Variants in TEKT4 observed in about 807,000 individuals in gnomAD.
The protein encoded by TEKT4 is tektin 4, also known as tektin-4.
A neutral mutation model predicts 46.0 loss-of-function variants in TEKT4; 46 were observed. That is an observed-to-expected ratio of 1.00 (90% CI 0.79 to 1.28). The LOEUF (loss-of-function observed/expected upper bound fraction) is 1.28, where lower values mean the gene tolerates loss of function less well. Ranked by LOEUF, TEKT4 falls within the 50% of genes most tolerant of loss-of-function variation. The pLI is 0.00. For synonymous variants in TEKT4, 325 were observed against 265.8 expected, an observed-to-expected ratio of 1.22 and a Z score of -2.17; for missense variants, 790 against 622.9, an observed-to-expected ratio of 1.27 and a Z score of -2.85.
At chr2:94,874,391 C>A (rs1680728986) in intron 3 of TEKT4, among the ~76,000 whole-genome samples, 1 of 152,066 alleles carries the variant, frequency 6.6e-6, no homozygotes, top group South Asian at 2.1e-4. Context: ...GGGAGCCTGA[C>A]CACCGCCCAC....
intron 5 of TEKT4, 82 bp from the exon 6 acceptor site, chr2:94,876,471 G>A: frequency 8.1e-7 from 1 of 1,235,022 alleles, no homozygotes; most frequent in African/African-American, 1.5e-5. Context: ...GCTCCCATTG[G>A]GAGTTTTGGG....
intron 2 of TEKT4, 136 bp from the exon 3 acceptor site, chr2:94,873,829 G>A (rs1573184346): frequency 3.8e-6 from 5 of 1,321,766 alleles, no homozygotes; most frequent in Non-Finnish European, 1.0e-6. Context: ...TCACTGCTGA[G>A]CACGAGGGCT....
Position 94,871,748 on chromosome 2 carries a change from G to A in TEKT4, c.169G>A (p.Ala57Thr), listed in dbSNP as rs200502666. 74 of 1,612,514 alleles carry A rather than the reference G, an allele frequency of 4.6e-5. No homozygotes were observed. The highest frequency in any genetic ancestry group is 1.0e-4 in the Admixed American group (6 of 60,008). The part of the protein sequence containing the change: ...NCYARYHQAF[A>T]DRDQSERQRH... ...CTATGCTCGCTACCACCAGGCCTTCGCCGACCGCGACCAGTCGGAGCGGCA... is the reference window on the plus strand; with the variant it reads ...CTATGCTCGCTACCACCAGGCCTTCACCGACCGCGACCAGTCGGAGCGGCA... Residue 57 changes from alanine to threonine, a missense_variant, in exon 1 of 6, where the codon GCC (alanine) becomes ACC (threonine). Physicochemically the swap from Ala to Thr is moderately conservative, Grantham distance 58 (BLOSUM62 0). Coordinates refer to ENST00000295201, the MANE Select transcript of TEKT4 (RefSeq NM_144705.4).
At chr2:94,873,698 C>T in intron 2 of TEKT4, 108 bp downstream of exon 2, 1 of 1,474,420 alleles carries the variant, frequency 6.8e-7, no homozygotes, top group Non-Finnish European at 9.3e-7. Context: ...CAGGGGCTGC[C>T]CCAGGTCACA....
rs111388833 is a variant in TEKT4, at chr2:94,871,754, C to A, written c.175C>A (p.Arg59Ser). 41 of 1,612,600 alleles carry A rather than the reference C, an allele frequency of 2.5e-5. No individual in the cohort carries two copies. Among genetic ancestry groups the A allele is most frequent in the Non-Finnish European group, 3.2e-5 (38 of 1,179,878 alleles). The change falls in exon 1 of 6, where the codon CGC becomes AGC. Residue 59 changes from arginine to serine, a missense_variant. Physicochemically the swap from Arg to Ser is moderately radical, Grantham distance 110 (BLOSUM62 -1). Coordinates refer to ENST00000295201, the MANE Select transcript of TEKT4 (RefSeq NM_144705.4). ...YARYHQAFAD[R>S]DQSERQRHES... ...TCGCTACCACCAGGCCTTCGCCGAC[C>A]GCGACCAGTCGGAGCGGCAGCGGCA...
rs1224503472 is a variant in TEKT4, at chr2:94,872,305, C to A, written c.498+228C>A. 4.1e-5 allele frequency: 25 copies of A among 605,514 alleles called. No homozygotes were observed. The East Asian group carries it at 7.0e-4, about 17-fold the overall frequency. The allele number at this position is 605,514 out of a possible 1,614,324, so 37.5% of individuals were successfully genotyped here. ...CTGTTTCTCCTCTCCTCCTCTAATC[C>A]CTTTGAGTCCTGGCACAGTCATCCT... is the stretch of plus-strand genomic sequence containing the variant. On this transcript the variant is annotated intron_variant, in intron 1 of 5. Transcript: ENST00000295201.
At chr2:94,874,683 C>A in intron 3 of TEKT4, 93 bp from the exon 4 acceptor site, 2 of 1,163,598 alleles carry the variant, frequency 1.7e-6, no homozygotes, top group East Asian at 2.6e-5. Flanking sequence ...CCTCCAGGAG[C>A]ATGGGGCGCG....
At chr2:94,873,843 C>G in intron 2 of TEKT4, 122 bp from the exon 3 acceptor site, 2 of 1,410,536 alleles carry the variant, frequency 1.4e-6, no homozygotes, top group South Asian at 2.7e-5. Flanking sequence ...GAGGGCTGCC[C>G]GGGACAGGCC....
At position 94,875,852 on chromosome 2, in the gene TEKT4, G is replaced by C. The variant is rs560181640; in HGVS notation, c.1091+110G>C. On this transcript the variant is annotated intron_variant, in intron 5 of 5. Coordinates refer to ENST00000295201, the MANE Select transcript of TEKT4 (RefSeq NM_144705.4). ...CGCACACACATCCCCCGCAGGTGCT[G>C]AGAGGGGAGGGAGACTTTGGGGCCA... 3.6e-5 allele frequency: 42 copies of C among 1,169,070 alleles called. No individual in the cohort carries two copies. The East Asian group carries it at 1.0e-3, about 28-fold the overall frequency. The allele number at this position is 1,169,070 out of a possible 1,614,324, so 72.4% of individuals were successfully genotyped here.
chr2:94,871,813 G>A lies in TEKT4; in HGVS notation c.234G>A (p.Ala78=), dbSNP rs199663910. The A allele has an allele frequency of 3.7e-5, 60 of 1,609,422 alleles. No homozygotes were observed. Among genetic ancestry groups the A allele is most frequent in the Admixed American group, 1.7e-4 (10 of 59,848 alleles). ...AGCAGCTGGCCACAGAGACCCAGGC[G>A]CTGGCGCAGCGCACGCAGCAAGACT... ...ESQQLATETQ[A]LAQRTQQDST... The change falls in exon 1 of 6, where the codon GCG becomes GCA. Residue 78 remains alanine (A), a synonymous_variant. Transcript: ENST00000295201.
intron 2 of TEKT4, 57 bp downstream of exon 2, chr2:94,873,647 G>C: frequency 6.2e-7 from 1 of 1,605,014 alleles, no homozygotes; most frequent in South Asian, 1.1e-5. Context: ...CTGGTCCTGG[G>C]GCAAGGCATT....
In TEKT4 at chr2:94,871,651, C is replaced by T; in HGVS notation, c.72C>T (p.Tyr24=). Residue 24 remains tyrosine (Y), a synonymous_variant, in exon 1 of 6, where the codon TAC becomes TAT. Coordinates refer to ENST00000295201, the MANE Select transcript of TEKT4 (RefSeq NM_144705.4). Reference sequence around the variant, plus strand: ...ACGTGGCCCGTAACACGGGCGCCTACACGTCCTCCGGCCTGGCCACCGCCA... The same window carrying T: ...ACGTGGCCCGTAACACGGGCGCCTATACGTCCTCCGGCCTGGCCACCGCCA... ...EYDVARNTGA[Y]TSSGLATASF... 1.2e-6 allele frequency: 2 copies of T among 1,612,548 alleles called. No individual in the cohort carries two copies. Among genetic ancestry groups the T allele is most frequent in the Non-Finnish European group, 1.7e-6 (2 of 1,179,920 alleles).
intron 3 of TEKT4, 23 bp from the exon 4 acceptor site, chr2:94,874,753 C>G: frequency 1.3e-6 from 2 of 1,535,384 alleles, no homozygotes; most frequent in African/African-American, 2.7e-5. Flanking sequence ...CCGACCCTCT[C>G]CTGGCTGTCC....
Position 94,874,947 on chromosome 2 carries a change from C to A in TEKT4, c.885C>A (p.Arg295=). ...CCGTGAACCTGGCCTTCGGGCGCCG[C>A]TGTGAGGAGCTGGAGGACGCGCGGT... ...CDAVNLAFGR[R]CEELEDARYK... The change falls in exon 4 of 6, where the codon CGC becomes CGA. Residue 295 remains arginine (R), a synonymous_variant. Coordinates refer to ENST00000295201, the MANE Select transcript of TEKT4 (RefSeq NM_144705.4). 6.2e-7 allele frequency: 1 copy of A among 1,611,648 alleles called. No individual in the cohort carries two copies. The highest frequency in any genetic ancestry group is 8.5e-7 in the Non-Finnish European group (1 of 1,179,606).
rs1680713265 is a variant in TEKT4, at chr2:94,874,115, C to G, written c.713+7C>G. 7 of 1,612,730 alleles carry G rather than the reference C, an allele frequency of 4.3e-6. No individual in the cohort carries two copies. Among genetic ancestry groups the G allele is most frequent in the African/African-American group, 1.3e-5 (1 of 75,054 alleles). ...CCACCACCTTCCAAGAGAGGTGGGC[C>G]CCAGCTCTGCCCCTGCACTTGCCCT... On this transcript the variant is annotated splice_region_variant and intron_variant, in intron 3 of 5. Coordinates refer to ENST00000295201, the MANE Select transcript of TEKT4 (RefSeq NM_144705.4).
chr2:94,873,897 C>A, intron 2 of TEKT4, 68 bp from the exon 3 acceptor site: 2 of 1,593,322 alleles, frequency 1.3e-6, no homozygotes, highest in Non-Finnish European at 1.7e-6. Context: ...GCCCAGCCTG[C>A]AGCACAGAGG....
Position 94,874,841 on chromosome 2 carries a change from G to C in TEKT4, c.779G>C (p.Arg260Pro), listed in dbSNP as rs201996859. 25 of 1,606,892 alleles carry C rather than the reference G, an allele frequency of 1.6e-5. No homozygotes were observed. Among genetic ancestry groups the C allele is most frequent in the Admixed American group, 3.4e-5 (2 of 59,376 alleles). The change falls in exon 4 of 6, where the codon CGC (arginine) becomes CCC (proline). Residue 260 changes from arginine to proline, a missense_variant. Transcript: ENST00000295201. Reference protein sequence around the residue: ...QDNLCRAQRERLASANLRVLV... With the variant: ...QDNLCRAQREPLASANLRVLV... ...AATCTGTGCCGTGCCCAGCGCGAGC[G>C]CCTGGCCTCGGCCAACCTGCGGGTG...
At position 94,874,777 on chromosome 2, in the gene TEKT4, G is replaced by T; in HGVS notation, c.715G>T (p.Ala239Ser). The change falls in exon 4 of 6, where the codon GCC becomes TCC. Residue 239 changes from alanine to serine, a missense_variant and splice_region_variant. Ala to Ser is a moderately conservative substitution (Grantham distance 99, BLOSUM62 1). Coordinates refer to ENST00000295201, the MANE Select transcript of TEKT4 (RefSeq NM_144705.4). ...TCCTGGCTGTCCCCCGCCCCGCAGC[G>T]CCTCCACCCCGGAGACCCGGGCCAA... ...HPYSTTFQESASTPETRAKFT... is the reference protein window; with the variant it reads ...HPYSTTFQESSSTPETRAKFT... 2 of 1,572,316 alleles carry T rather than the reference G, an allele frequency of 1.3e-6. No homozygotes were observed. Among genetic ancestry groups the T allele is most frequent in the Non-Finnish European group, 1.7e-6 (2 of 1,161,818 alleles).
rs782140897 is a variant in TEKT4, at chr2:94,874,903, C to G, written c.841C>G (p.Leu281Val). The G allele has an allele frequency of 3.7e-5, 59 of 1,612,000 alleles. No homozygotes were observed. The highest frequency in any genetic ancestry group is 4.5e-5 in the East Asian group (2 of 44,830). ...DCILRDTSEDLRLQCDAVNLA... is the reference protein window; with the variant it reads ...DCILRDTSEDVRLQCDAVNLA... ...CATCCTTCGCGACACCTCCGAGGAC[C>G]TGCGGCTCCAGTGCGACGCCGTGAA... The change falls in exon 4 of 6, where the codon CTG becomes GTG. Residue 281 changes from leucine (L) to valine (V), a missense_variant. By Grantham distance (32) the Leu-to-Val change is conservative. Transcript: ENST00000295201.
Sources: allele counts gnomAD v4.1 joint callset (sites outside exome capture counted in the v4.1 genomes callset), GRCh38; gene constraint gnomAD v4.1.1; transcripts MANE v1.5; gene names NCBI Gene and HGNC (gene_info 2026-07-23, HGNC 2026-07-21).